The following WBP11 variants were observed in gnomAD, a reference collection of about 807,000 sequenced individuals.
WBP11 encodes the protein WW domain binding protein 11, also known as WW domain-binding protein 11.
Under a neutral mutation model 66.7 loss-of-function variants are expected in WBP11, and 12 were observed. That is an observed-to-expected ratio of 0.18 (90% CI 0.12 to 0.29). The LOEUF (loss-of-function observed/expected upper bound fraction) is 0.29, where lower values mean the gene tolerates loss of function less well. Ranked by LOEUF, WBP11 falls within the 10% of genes least tolerant of loss-of-function variation. The probability of loss-of-function intolerance (pLI) is 1.00; values close to 1 mark genes in which losing one functional copy is unlikely to be tolerated. For missense variants in WBP11, 555 were observed against 818.3 expected (o/e 0.68, Z 3.93); for synonymous variants, 255 against 273.8 (o/e 0.93, Z 0.68).
chr12:14,793,727 A>G lies in WBP11; in HGVS notation c.913+4T>C. The stretch of plus-strand genomic sequence containing the variant: ...AATACCATGAATCCTTCATCTGCAC[A>G]TACCTGACTTCTTTTCTTCATTGTT... On this transcript the variant is annotated splice_donor_region_variant and intron_variant, in intron 8 of 11. Transcript: ENST00000261167. 1.2e-6 allele frequency: 2 copies of G among 1,613,624 alleles called. No homozygotes were observed. The highest frequency in any genetic ancestry group is 1.7e-6 in the Non-Finnish European group (2 of 1,179,754).
intron 11 of WBP11, among the ~76,000 whole-genome samples, chr12:14,788,195 C>T (rs1330534547): frequency 2.0e-5 from 3 of 152,164 alleles, no homozygotes; most frequent in Admixed American, 1.3e-4. Context: ...GCTCAGATCG[C>T]GCCATTGCAC....
Position 14,796,691 on chromosome 12 carries a change from A to T in WBP11, c.387+116T>A, listed in dbSNP as rs1336561156. 5 of 932,500 alleles carry T rather than the reference A, an allele frequency of 5.4e-6. No homozygotes were observed. The highest frequency in any genetic ancestry group is 2.9e-6 in the Non-Finnish European group (2 of 678,840). 57.8% of individuals were successfully genotyped at this position (932,500 alleles called of 1,614,324 possible). ...TATACACAAAAACAAAACAAAATAT[A>T]AAAAAAACCCAACAACCCTAAATCC... On this transcript the variant is annotated intron_variant, in intron 5 of 11. Coordinates refer to ENST00000261167, the MANE Select transcript of WBP11 (RefSeq NM_016312.3). This position sits in a 1 kb window ranked among gnomAD's most constrained non-coding sequence, Gnocchi z 4.5.
At position 14,790,715 on chromosome 12, in the gene WBP11, C is replaced by T; in HGVS notation, c.1050G>A (p.Glu350=). 6.2e-7 allele frequency: 1 copy of T among 1,614,110 alleles called. No individual in the cohort carries two copies. Among genetic ancestry groups the T allele is most frequent in the Non-Finnish European group, 8.5e-7 (1 of 1,180,010 alleles). ...QEIPEEGREV[E]EFSEDDDEDD... Reference sequence around the variant, plus strand: ...CTTCATCATCGTCCTCTGAAAATTCCTCTACTTCCCGTCCCTCCTCAGGGA... The same window carrying T: ...CTTCATCATCGTCCTCTGAAAATTCTTCTACTTCCCGTCCCTCCTCAGGGA... Residue 350 remains glutamate (E), a synonymous_variant, in exon 10 of 12, where the codon GAG becomes GAA. Transcript: ENST00000261167.
Position 14,799,748 on chromosome 12 carries a change from A to G in WBP11, c.97-20T>C. ...TTTGTTCTTAGAAAAATAAAAGGGC[A>G]GATGTCAAGAAGTCAGGCACTCAGG... On this transcript the variant is annotated intron_variant, in intron 3 of 11. Coordinates refer to ENST00000261167, the MANE Select transcript of WBP11 (RefSeq NM_016312.3). The G allele has an allele frequency of 6.2e-7, 1 of 1,606,950 alleles. No individual in the cohort carries two copies. Among genetic ancestry groups the G allele is most frequent in the South Asian group, 1.1e-5 (1 of 90,318 alleles).
chr12:14,788,431 C>T (rs576614030), intron 11 of WBP11, among the ~76,000 whole-genome samples: 5 of 152,090 alleles, frequency 3.3e-5, no homozygotes, highest in Admixed American at 6.5e-5. Context: ...AATCTAAGAT[C>T]CTATTGATTA....
intron 11 of WBP11, 28 bp from the exon 12 acceptor site, chr12:14,787,526 T>A (rs1393377348): frequency 6.8e-7 from 1 of 1,472,532 alleles, no homozygotes. Context: ...GCAAGATGAA[T>A]ACTGTAAGAA....
chr12:14,789,091 C>A lies in WBP11; in HGVS notation c.1352G>T (p.Arg451Leu). 6.6e-7 allele frequency: 1 copy of A among 1,524,526 alleles called. No individual in the cohort carries two copies. Among genetic ancestry groups the A allele is most frequent in the Non-Finnish European group, 8.7e-7 (1 of 1,148,346 alleles). 94.4% of individuals were successfully genotyped at this position (1,524,526 alleles called of 1,614,324 possible). ...FLRPPGMPGL[R>L]GPLPRLLPPG... ...AGGTAAAAGTCGGGGTAAGGGCCCTCGGAGTCCTGGCATTCCAGGTGGTCT... is the reference window on the plus strand; with the variant it reads ...AGGTAAAAGTCGGGGTAAGGGCCCTAGGAGTCCTGGCATTCCAGGTGGTCT... Residue 451 changes from arginine (R) to leucine (L), a missense_variant, in exon 11 of 12, where the codon CGA becomes CTA. Arg to Leu is a moderately radical substitution (Grantham distance 102). Coordinates refer to ENST00000261167, the MANE Select transcript of WBP11 (RefSeq NM_016312.3).
At position 14,786,099 on chromosome 12, in the gene WBP11, A is replaced by C. The variant is rs932629517; in HGVS notation, c.*966T>G. ...CCAAACCCACCAATTCAGAAAGGAAAAAAAGCTAACCTCTTCTGATTCTTT... is the reference window on the plus strand; with the variant it reads ...CCAAACCCACCAATTCAGAAAGGAACAAAAGCTAACCTCTTCTGATTCTTT... On this transcript the variant is annotated 3_prime_UTR_variant, in exon 12 of 12. Coordinates refer to ENST00000261167, the MANE Select transcript of WBP11 (RefSeq NM_016312.3). 6.6e-6 allele frequency: 1 copy of C among 152,262 alleles called. No individual in the cohort carries two copies. The highest frequency in any genetic ancestry group is 2.4e-5 in the African/African-American group (1 of 41,478). The allele number at this position is 152,262 out of a possible 1,614,324, so 9.4% of individuals were successfully genotyped here. A position where few individuals can be genotyped will look rare whatever the true frequency, so the allele number is the denominator to read the frequency against.
rs376148039 is a variant in WBP11 at position 14,790,632 on chromosome 12, G to T, written c.1133C>A (p.Ser378Tyr). 1 of 1,614,128 alleles carries T rather than the reference G, an allele frequency of 6.2e-7. No individual in the cohort carries two copies. Among genetic ancestry groups the T allele is most frequent in the African/African-American group, 1.3e-5 (1 of 75,046 alleles). ...KQSQKQHKEESHSDGTSTASS... is the reference protein window; with the variant it reads ...KQSQKQHKEEYHSDGTSTASS... ...AGCAGTGGATGTGCCATCAGAATGG[G>T]ATTCCTCTTTATGCTGCTTTTGTGA... Residue 378 changes from serine (S) to tyrosine (Y), a missense_variant, in exon 10 of 12, where the codon TCC (serine) becomes TAC (tyrosine). Around this residue, in one of 6 missense-constraint regions of WBP11, gnomAD observed 230 missense variants for 286.3 expected, o/e 0.80. Coordinates refer to ENST00000261167, the MANE Select transcript of WBP11 (RefSeq NM_016312.3).
At chr12:14,800,494 A>T (rs1949949749) in intron 3 of WBP11, among the ~76,000 whole-genome samples, 1 of 152,112 alleles carries the variant, frequency 6.6e-6, no homozygotes, top group African/African-American at 2.4e-5. Context: ...TAAAAAAAAG[A>T]ATTATTTTCA....
intron 5 of WBP11, among the ~76,000 whole-genome samples, chr12:14,795,457 C>T (rs1026099068): frequency 6.6e-6 from 1 of 152,148 alleles, no homozygotes; most frequent in Non-Finnish European, 1.5e-5. Flanking sequence ...TCAGGCTGGG[C>T]GTGGTAGCTC....
At position 14,794,625 on chromosome 12, in the gene WBP11, G is replaced by T; in HGVS notation, c.633C>A (p.Val211=). 6.2e-7 allele frequency: 1 copy of T among 1,613,922 alleles called. No homozygotes were observed. ...CCACTTTACGGCCATACATCTGCAC[G>T]ACTTGAGGAGGAGGTGGACCAGGGG... ...GPPPGPPPPQ[V]VQMYGRKVGF... The change falls in exon 7 of 12, where the codon GTC becomes GTA. Residue 211 remains valine, a synonymous_variant. Coordinates refer to ENST00000261167, the MANE Select transcript of WBP11 (RefSeq NM_016312.3).
chr12:14,797,184 T>C (rs1310688388), intron 4 of WBP11, among the ~76,000 whole-genome samples, 181 bp from the exon 5 acceptor site: 1 of 152,220 alleles, frequency 6.6e-6, no homozygotes, highest in Non-Finnish European at 1.5e-5. Flanking sequence ...CCACCCTTTT[T>C]AGATGGCCAC....
At chr12:14,800,952 T>C in intron 2 of WBP11, 169 bp from the exon 3 acceptor site, 1 of 530,138 alleles carries the variant, frequency 1.9e-6, no homozygotes, top group Non-Finnish European at 3.3e-6. Flanking sequence ...CCTCTAATTA[T>C]GACAACCAAA....
At chr12:14,801,142 C>T (rs776817463) in intron 2 of WBP11, 178 bp downstream of exon 2, 80 of 511,032 alleles carry the variant, frequency 1.6e-4, no homozygotes, top group Non-Finnish European at 2.3e-4. Context: ...AAATAAAATA[C>T]GGGTACTAAT....
At position 14,795,092 on chromosome 12, in the gene WBP11, C is replaced by T. The variant is rs1949875582; in HGVS notation, c.400G>A (p.Val134Met). ...YFDAVKNAQH[V>M]EVESIPLPDM... is the part of the protein sequence containing the mutation. ...GGCAAAGGAATACTCTCCACTTCCA[C>T]ATGCTGAGCATTCTGAAACAGAGAA... The change falls in exon 6 of 12, where the codon GTG (valine) becomes ATG (methionine). Residue 134 changes from valine to methionine, a missense_variant. Physicochemically the swap from Val to Met is conservative, Grantham distance 21. This residue lies in a region of WBP11 where 220 missense variants were observed against 268.2 expected (regional missense o/e 0.82). Coordinates refer to ENST00000261167, the MANE Select transcript of WBP11 (RefSeq NM_016312.3). 1 of 1,605,228 alleles carries T rather than the reference C, an allele frequency of 6.2e-7. No homozygotes were observed. Among genetic ancestry groups the T allele is most frequent in the Non-Finnish European group, 8.5e-7 (1 of 1,176,878 alleles).
intron 1 of WBP11, 34 bp from the exon 2 acceptor site, chr12:14,801,462 C>G: frequency 7.3e-7 from 1 of 1,372,550 alleles, no homozygotes; most frequent in African/African-American, 1.4e-5. Flanking sequence ...TAGCTTATAT[C>G]TCCTAAATGT....
Position 14,794,683 on chromosome 12 carries a change from C to T in WBP11, c.575G>A (p.Arg192His), listed in dbSNP as rs368417102. The change falls in exon 7 of 12, where the codon CGT becomes CAT. Residue 192 changes from arginine (R) to histidine (H), a missense_variant. Coordinates refer to ENST00000261167, the MANE Select transcript of WBP11 (RefSeq NM_016312.3). The stretch of plus-strand genomic sequence containing the variant: ...AGGAGGTTTTCTGCCAGGGGGCAAA[C>T]GTGGAACACCATGTCCAAGAAGAGG... ...ILPLLGHGVPRLPPGRKPPGP... is the reference protein window; with the variant it reads ...ILPLLGHGVPHLPPGRKPPGP... The T allele has an allele frequency of 3.4e-5, 55 of 1,606,448 alleles. No homozygotes were observed. The highest frequency in any genetic ancestry group is 6.7e-5 in the East Asian group (3 of 44,752).
chr12:14,801,029 A>G (rs1949956125), intron 2 of WBP11: 2 of 475,084 alleles, frequency 4.2e-6, no homozygotes, highest in African/African-American at 2.0e-5. Flanking sequence ...AAAACATAAC[A>G]TAAAACGCGA....
Sources: gnomAD v4.1 joint callset for allele counts (sites outside exome capture counted in the v4.1 genomes callset) on GRCh38, gnomAD v4.1.1 for gene constraint, gnomAD v4.1.1 regional missense constraint, Gnocchi (gnomAD v3.1) non-coding constraint, MANE v1.5 for transcripts, NCBI Gene and HGNC (gene_info 2026-07-23, HGNC 2026-07-21) for gene names.